ACTG2: variants seen among roughly 807,000 people sequenced by gnomAD.
The protein encoded by ACTG2 is actin gamma 2, smooth muscle.
A neutral mutation model predicts 37.6 loss-of-function variants in ACTG2; 16 were observed. That is an observed-to-expected ratio of 0.43 (90% CI 0.29 to 0.65). The LOEUF (loss-of-function observed/expected upper bound fraction) is 0.65, where lower values mean the gene tolerates loss of function less well. Among genes scored for constraint, ACTG2 ranks in the 30% least tolerant of loss-of-function variants. The pLI, the probability that ACTG2 is intolerant of heterozygous loss-of-function variation, is 0.18. For missense variants in ACTG2, 238 were observed against 490.9 expected, an observed-to-expected ratio of 0.48 and a Z score of 4.87; for synonymous variants, 181 against 179.9, an observed-to-expected ratio of 1.01 and a Z score of -0.05.
chr2:73,896,984 GAGTCT>G (rs1679760354), intron 1 of ACTG2: 1 of 152,262 alleles, frequency 6.6e-6, no homozygotes, highest in Non-Finnish European at 1.5e-5. Flanking sequence ...GATGGTCCAC[GAGTCT>G]GGCTCCAGGG....
At chr2:73,912,163 T>C (rs1414609282) in intron 5 of ACTG2, among the ~76,000 whole-genome samples, 1 of 152,228 alleles carries the variant, frequency 6.6e-6, no homozygotes, top group African/African-American at 2.4e-5. Context: ...GTTTTTGTTT[T>C]TGTTTTCATT....
chr2:73,900,231 C>G (rs1472011284), intron 1 of ACTG2, among the ~76,000 whole-genome samples: 1 of 152,240 alleles, frequency 6.6e-6, no homozygotes, highest in Non-Finnish European at 1.5e-5. Context: ...AGCCCCTCAG[C>G]TGGGGCCTTC....
chr2:73,912,479 T>A (rs1483017773), intron 5 of ACTG2, among the ~76,000 whole-genome samples: 1 of 152,212 alleles, frequency 6.6e-6, no homozygotes, highest in Non-Finnish European at 1.5e-5. Context: ...GCAAACATCA[T>A]GTTTAATAGC....
intron 1 of ACTG2, among the ~76,000 whole-genome samples, chr2:73,898,102 G>T (rs568119945): frequency 6.6e-6 from 1 of 152,214 alleles, no homozygotes; most frequent in South Asian, 2.1e-4. Context: ...AAAGAACACA[G>T]ACCCTTTTGT....
chr2:73,907,280 C>T (rs1245207357), intron 3 of ACTG2, among the ~76,000 whole-genome samples: 1 of 152,042 alleles, frequency 6.6e-6, no homozygotes, highest in Non-Finnish European at 1.5e-5. Context: ...TCACACTTAC[C>T]ACCGTCTTAG....
At position 73,914,747 on chromosome 2, in the gene ACTG2, G is replaced by A; in HGVS notation, c.681G>A (p.Glu227=). Residue 227 remains glutamate, a synonymous_variant, in exon 7 of 9, where the codon GAG becomes GAA. Transcript: ENST00000345517. The part of the protein sequence containing the change: ...LCYVALDFEN[E]MATAASSSSL... ...ATGTGGCCCTGGATTTTGAGAATGAGATGGCCACAGCAGCTTCCTCTTCCT... is the reference window on the plus strand; with the variant it reads ...ATGTGGCCCTGGATTTTGAGAATGAAATGGCCACAGCAGCTTCCTCTTCCT... The A allele has an allele frequency of 6.2e-7, 1 of 1,612,474 alleles. No individual in the cohort carries two copies. Among genetic ancestry groups the A allele is most frequent in the Non-Finnish European group, 8.5e-7 (1 of 1,179,190 alleles).
At chr2:73,913,975 C>T (rs1055477590) in intron 6 of ACTG2, among the ~76,000 whole-genome samples, 2 of 152,070 alleles carry the variant, frequency 1.3e-5, no homozygotes, top group African/African-American at 2.4e-5. Context: ...TAAGTGAGGC[C>T]CGAATTTCTA....
intron 2 of ACTG2, chr2:73,901,679 T>C: frequency 1.6e-6 from 1 of 633,060 alleles, no homozygotes; most frequent in Middle Eastern, 4.7e-4. Flanking sequence ...AGCAGGACCC[T>C]TTAAATAGAA....
At chr2:73,916,824 G>A in intron 8 of ACTG2, 59 bp downstream of exon 8, 6 of 1,562,808 alleles carry the variant, frequency 3.8e-6, no homozygotes, top group Non-Finnish European at 4.3e-6. Context: ...GCCTACCTGG[G>A]AGTTCCTCGG....
chr2:73,916,509 G>A, intron 7 of ACTG2, 75 bp from the exon 8 acceptor site: 1 of 1,357,964 alleles, frequency 7.4e-7, no homozygotes, highest in African/African-American at 1.4e-5. Context: ...AATCGAAGAA[G>A]GGTCATTTGA....
chr2:73,896,554 A>T (rs901581912), intron 1 of ACTG2, among the ~76,000 whole-genome samples: 3 of 152,102 alleles, frequency 2.0e-5, no homozygotes, highest in African/African-American at 7.2e-5. Context: ...AAGGGGAACC[A>T]GGAGGGAGAA....
intron 3 of ACTG2, 122 bp from the exon 4 acceptor site, chr2:73,908,551 C>T: frequency 1.2e-6 from 1 of 837,056 alleles, no homozygotes. Context: ...TGACCATTCT[C>T]CTCTCCAGAT....
chr2:73,901,234 T>A, intron 1 of ACTG2, 42 bp from the exon 2 acceptor site: 3 of 1,425,058 alleles, frequency 2.1e-6, no homozygotes, highest in Non-Finnish European at 2.8e-6. Context: ...CAAACTGATT[T>A]GACAAGTGGC....
At position 73,911,493 on chromosome 2, in the gene ACTG2, T is replaced by TA. The variant is rs575149681; in HGVS notation, c.452-1985dup. ...GCCTGGGTGACACTCAAAAAAAAAA[T>TA]AAAAAAATAAAAGACAGTATAAGAA... On this transcript the variant is annotated intron_variant, in intron 5 of 8. Coordinates refer to ENST00000345517, the MANE Select transcript of ACTG2 (RefSeq NM_001615.4). 1.8e-3 allele frequency among the ~76,000 whole-genome samples: 270 copies of TA among 151,720 alleles called. 3 individuals carry two copies. The highest frequency in any genetic ancestry group is 3.9e-3 in the Admixed American group (59 of 15,228).
intron 1 of ACTG2, among the ~76,000 whole-genome samples, chr2:73,899,398 T>G (rs1272405545): frequency 6.6e-6 from 1 of 151,944 alleles, no homozygotes; most frequent in Non-Finnish European, 1.5e-5. Flanking sequence ...GGAGGTCGAG[T>G]CTGCAGTGAA....
At chr2:73,909,441 A>G (rs977789440) in intron 5 of ACTG2, among the ~76,000 whole-genome samples, 1 of 152,156 alleles carries the variant, frequency 6.6e-6, no homozygotes, top group African/African-American at 2.4e-5. Flanking sequence ...AAAGAGTAGA[A>G]CCTGTGGTGG....
At chr2:73,908,956 G>A (rs879026174) in intron 4 of ACTG2, 99 bp from the exon 5 acceptor site, 2 of 1,317,608 alleles carry the variant, frequency 1.5e-6, no homozygotes, top group Middle Eastern at 1.8e-4. Flanking sequence ...TATCAAACTG[G>A]CATAGTTCCT....
chr2:73,898,950 C>T (rs890878543), intron 1 of ACTG2, among the ~76,000 whole-genome samples: 19 of 151,642 alleles, frequency 1.3e-4, no homozygotes, highest in African/African-American at 4.6e-4. Flanking sequence ...CTACAGGCGC[C>T]CGCCACCATG....
intron 3 of ACTG2, among the ~76,000 whole-genome samples, chr2:73,906,288 A>G (rs1680013546): frequency 6.6e-6 from 1 of 151,538 alleles, no homozygotes; most frequent in South Asian, 2.1e-4. Flanking sequence ...CATCTCTACT[A>G]AAAATACAAA....
Sources: allele counts gnomAD v4.1 joint callset (sites outside exome capture counted in the v4.1 genomes callset), GRCh38; gene constraint gnomAD v4.1.1; transcripts MANE v1.5; gene names NCBI Gene and HGNC (gene_info 2026-07-23, HGNC 2026-07-21).